TUSC3: variants seen among roughly 807,000 people sequenced by gnomAD.
TUSC3 encodes dolichyl-diphosphooligosaccharide--protein glycosyltransferase subunit TUSC3.
A neutral mutation model predicts 44.8 loss-of-function variants in TUSC3; 45 were observed. The ratio of observed to expected loss-of-function variants is 1.00; its 90% CI spans 0.79 to 1.29. TUSC3 has a LOEUF of 1.29. Among genes scored for constraint, TUSC3 ranks in the 50% most tolerant of loss-of-function variants. TUSC3 has a pLI of 0.00. For synonymous variants in TUSC3, 212 were observed against 152.9 expected (o/e 1.39, Z -2.85); for missense variants, 519 against 437.9 (o/e 1.19, Z -1.65).
At chr8:15,634,714 T>G (rs1805985637) in intron 2 of TUSC3, among the ~76,000 whole-genome samples, 1 of 152,166 alleles carries the variant, frequency 6.6e-6, no homozygotes, top group Admixed American at 6.5e-5. Flanking sequence ...CCTCCTAGGA[T>G]CTGTATTTTC....
At chr8:15,662,112 T>A in intron 4 of TUSC3, 44 bp from the exon 5 acceptor site, 1 of 1,594,590 alleles carries the variant, frequency 6.3e-7, no homozygotes, top group Non-Finnish European at 8.6e-7. Context: ...AAAGAAAAAT[T>A]TTATTTTTCT....
Position 15,555,404 on chromosome 8 carries a change from C to T in TUSC3, c.138+14836C>T, listed in dbSNP as rs1195948360. Among the ~76,000 whole-genome samples the T allele has an allele frequency of 2.1e-5, 3 of 145,488 alleles. No homozygotes were observed. The East Asian group carries it at 6.4e-4, about 31-fold the overall frequency. Reference sequence around the variant, plus strand: ...CTTGACCTCCTGGGCTCAAGTGATCCTCCCACCTCAGCCTCCCCAGTAGCT... The same window carrying T: ...CTTGACCTCCTGGGCTCAAGTGATCTTCCCACCTCAGCCTCCCCAGTAGCT... On this transcript the variant is annotated intron_variant, in intron 1 of 10. Transcript: ENST00000503731.
At chr8:15,585,546 G>T (rs1279471629) in intron 1 of TUSC3, among the ~76,000 whole-genome samples, 1 of 152,134 alleles carries the variant, frequency 6.6e-6, no homozygotes, top group Non-Finnish European at 1.5e-5. Flanking sequence ...AACTGATGAG[G>T]GCTGGGCATC....
intron 1 of TUSC3, among the ~76,000 whole-genome samples, chr8:15,437,646 ATGTATAAC>A (rs1327584620): frequency 1.6e-4 from 24 of 152,220 alleles, no homozygotes; most frequent in African/African-American, 5.8e-4. Context: ...AAAAAGGTAT[ATGTATAAC>A]TAAAAGTAGG....
At chr8:15,520,527 G>A (rs1801283434) in intron 2 of TUSC3, among the ~76,000 whole-genome samples, 1 of 152,170 alleles carries the variant, frequency 6.6e-6, no homozygotes, top group Non-Finnish European at 1.5e-5. Context: ...GAAATCAAAA[G>A]AGTCCTATAA....
intron 2 of TUSC3, among the ~76,000 whole-genome samples, chr8:15,637,097 A>G (rs1032357215): frequency 6.6e-6 from 1 of 152,210 alleles, no homozygotes; most frequent in African/African-American, 2.4e-5. Context: ...TTCAATATGT[A>G]TATAGGGACT....
intron 1 of TUSC3, among the ~76,000 whole-genome samples, chr8:15,586,622 A>G (rs1200582786): frequency 2.0e-5 from 3 of 152,156 alleles, no homozygotes; most frequent in Non-Finnish European, 4.4e-5. Context: ...AATCATTTGG[A>G]GTGAGAAACT....
At chr8:15,841,167 T>A in the TUSC3 span, among the ~76,000 whole-genome samples, 8 of 149,900 alleles carry the variant, frequency 5.3e-5, no homozygotes, top group East Asian at 4.0e-4. Flanking sequence ...GCTATATGTT[T>A]TATATATATA....
chr8:15,851,692 A>G, the TUSC3 span, among the ~76,000 whole-genome samples: 12,244 of 152,140 alleles, frequency 0.08, 585 homozygotes, highest in South Asian at 0.22. Flanking sequence ...TCATTTCTAC[A>G]TTTCTCTGAC....
At chr8:15,827,514 G>A in the TUSC3 span, among the ~76,000 whole-genome samples, 2 of 152,024 alleles carry the variant, frequency 1.3e-5, no homozygotes, top group African/African-American at 4.8e-5. Flanking sequence ...GAAACCTTAT[G>A]GTTAGCTTAA....
At chr8:15,817,185 C>G in the TUSC3 span, among the ~76,000 whole-genome samples, 1 of 152,110 alleles carries the variant, frequency 6.6e-6, no homozygotes, top group African/African-American at 2.4e-5. Flanking sequence ...AGGTTTTTCT[C>G]TGTTATTTGA....
At chr8:15,748,225 C>T (rs1024375974) in intron 8 of TUSC3, 150 bp from the exon 9 acceptor site, 4 of 679,290 alleles carry the variant, frequency 5.9e-6, no homozygotes, top group East Asian at 5.3e-5. Context: ...ACATTGGATA[C>T]CTGTATCCAA....
intron 10 of TUSC3, among the ~76,000 whole-genome samples, chr8:15,763,508 T>C (rs1489073118): frequency 3.9e-5 from 6 of 152,028 alleles, no homozygotes; most frequent in African/African-American, 1.2e-4. Context: ...TTGTCTTGTG[T>C]TGTCAAGACT....
chr8:15,524,092 G>C (rs1801340792), intron 2 of TUSC3, among the ~76,000 whole-genome samples: 2 of 151,218 alleles, frequency 1.3e-5, no homozygotes, highest in African/African-American at 2.4e-5. Context: ...AATGTGTTTG[G>C]TTTGCATTTG....
At chr8:15,794,613 AT>A in the TUSC3 span, among the ~76,000 whole-genome samples, 1 of 151,922 alleles carries the variant, frequency 6.6e-6, no homozygotes, top group African/African-American at 2.4e-5. Context: ...GAATAACAGG[AT>A]TTTTTTTCTG....
chr8:15,769,929 A>C (rs1042707668), downstream of TUSC3, among the ~76,000 whole-genome samples: 7 of 152,160 alleles, frequency 4.6e-5, no homozygotes, highest in African/African-American at 1.7e-4. Context: ...GCTAGAGAGG[A>C]TGTGGAGAAA....
intron 2 of TUSC3, among the ~76,000 whole-genome samples, chr8:15,500,806 A>T (rs1453500336): frequency 6.6e-6 from 1 of 152,208 alleles, no homozygotes. Flanking sequence ...TTTTCTGTTC[A>T]TGAATATTAA....
chr8:15,581,965 C>T (rs565945796), intron 1 of TUSC3, among the ~76,000 whole-genome samples: 17 of 151,194 alleles, frequency 1.1e-4, no homozygotes, highest in African/African-American at 2.9e-4. Context: ...AGCGAGATTC[C>T]GTGGGCGTAG....
chr8:15,613,867 A>C (rs527346692), intron 1 of TUSC3, among the ~76,000 whole-genome samples: 1 of 152,260 alleles, frequency 6.6e-6, no homozygotes, highest in African/African-American at 2.4e-5. Flanking sequence ...TCATGAGCAT[A>C]ATTTTCTTCA....
Sources: allele counts gnomAD v4.1 joint callset (sites outside exome capture counted in the v4.1 genomes callset), GRCh38; gene constraint gnomAD v4.1.1; transcripts MANE v1.5; gene names NCBI Gene and HGNC (gene_info 2026-07-23, HGNC 2026-07-21).